WWOX: variants seen among roughly 807,000 people sequenced by gnomAD.
WWOX encodes WW domain containing oxidoreductase.
WWOX carries 69 observed loss-of-function variants against 46.2 expected under a neutral mutation model. The ratio of observed to expected loss-of-function variants is 1.49; its 90% CI spans 1.23 to 1.82. The LOEUF (loss-of-function observed/expected upper bound fraction) is 1.82, where lower values mean the gene tolerates loss of function less well. Ranked by LOEUF, WWOX falls within the 40% of genes most tolerant of loss-of-function variation. The pLI, the probability that WWOX is intolerant of heterozygous loss-of-function variation, is 0.00. For missense variants in WWOX, 919 were observed against 542.6 expected (o/e 1.69, Z -6.89); for synonymous variants, 359 against 202.6 (o/e 1.77, Z -6.56).
chr16:78,971,209 C>A (rs1482937639), intron 8 of WWOX, among the ~76,000 whole-genome samples: 1 of 151,834 alleles, frequency 6.6e-6, no homozygotes, highest in Non-Finnish European at 1.5e-5. Flanking sequence ...ACCTGTAATC[C>A]CAGCACTTTG....
At chr16:79,082,097 C>G (rs2048771016) in intron 8 of WWOX, among the ~76,000 whole-genome samples, 1 of 152,208 alleles carries the variant, frequency 6.6e-6, no homozygotes, top group Admixed American at 6.5e-5. Context: ...GCATCATCAA[C>G]TACATCCTTG....
intron 8 of WWOX, among the ~76,000 whole-genome samples, chr16:78,781,108 A>G (rs1453784877): frequency 1.3e-5 from 2 of 152,168 alleles, no homozygotes; most frequent in Non-Finnish European, 2.9e-5. Context: ...AGCCAAACAA[A>G]TGCTGTTGTT....
chr16:78,351,606 G>A (rs1480164279), intron 5 of WWOX, among the ~76,000 whole-genome samples: 1 of 152,118 alleles, frequency 6.6e-6, no homozygotes, highest in African/African-American at 2.4e-5. Flanking sequence ...GCAGATGCTG[G>A]CTCTATATTG....
intron 8 of WWOX, among the ~76,000 whole-genome samples, chr16:78,694,819 C>T (rs1000381811): frequency 7.3e-5 from 11 of 151,112 alleles, no homozygotes; most frequent in African/African-American, 2.7e-4. Context: ...AATCACCCCA[C>T]TACTCTTTTT....
intron 6 of WWOX, among the ~76,000 whole-genome samples, chr16:78,414,089 C>T (rs1247463277): frequency 2.0e-5 from 3 of 152,022 alleles, no homozygotes; most frequent in Non-Finnish European, 4.4e-5. Context: ...ATTCCTCTTC[C>T]TGAGGCAGTG....
rs960414936 is a variant in WWOX, at chr16:78,346,839, G to A, written c.517-40021G>A. Among the ~76,000 whole-genome samples, 4 of 119,652 alleles carry A rather than the reference G, an allele frequency of 3.3e-5. 1 individual carries two copies. Among genetic ancestry groups the A allele is most frequent in the Non-Finnish European group, 8.0e-5 (4 of 50,136 alleles). 78.5% of individuals were successfully genotyped at this position (119,652 alleles called of 152,430 possible). On this transcript the variant is annotated intron_variant, in intron 5 of 8. Transcript: ENST00000566780. ...CCTGCCTCAGTCTCTTGAGTAGCTG[G>A]TGTTACAGAAGCCTGCTACCATGCC...
At position 78,960,788 on chromosome 16, in the gene WWOX, AT is replaced by A. The variant is rs927668762; in HGVS notation, c.1057-250812del. On this transcript the variant is annotated intron_variant, in intron 8 of 8. Coordinates refer to ENST00000566780, the MANE Select transcript of WWOX (RefSeq NM_016373.4). ...TGGGAGTTCTCTATTTAGTCACCTT[AT>A]TTTTTTTGTCTTCTTGTTAAACTAG... 4.9e-4 allele frequency among the ~76,000 whole-genome samples: 74 copies of A among 151,884 alleles called. 1 individual carries two copies. The highest frequency in any genetic ancestry group is 2.1e-3 in the East Asian group (11 of 5,168).
chr16:79,022,794 A>G (rs1469526764), intron 8 of WWOX, among the ~76,000 whole-genome samples: 6 of 152,180 alleles, frequency 3.9e-5, no homozygotes, highest in Admixed American at 3.9e-4. Flanking sequence ...GCTCAGAAGC[A>G]CCCAGGGATG....
intron 8 of WWOX, among the ~76,000 whole-genome samples, chr16:78,788,914 G>C (rs892536572): frequency 6.6e-6 from 1 of 152,236 alleles, no homozygotes; most frequent in Admixed American, 6.5e-5. Flanking sequence ...CCCCTGCTTA[G>C]TATGTGGGGA....
intron 8 of WWOX, among the ~76,000 whole-genome samples, chr16:78,884,076 C>G (rs578121241): frequency 6.6e-6 from 1 of 151,990 alleles, no homozygotes; most frequent in Admixed American, 6.6e-5. Context: ...CCCGGGAGTT[C>G]AAGACCAGCT....
intron 8 of WWOX, among the ~76,000 whole-genome samples, chr16:79,068,765 C>G (rs932859718): frequency 6.6e-6 from 1 of 151,040 alleles, no homozygotes; most frequent in Non-Finnish European, 1.5e-5. Context: ...GAGATATGAC[C>G]TCACCACTGC....
In WWOX at chr16:79,157,936, A is replaced by C. The variant is rs560524537; in HGVS notation, c.1057-53672A>C. Among the ~76,000 whole-genome samples the C allele has an allele frequency of 5.9e-5, 9 of 152,252 alleles. No individual in the cohort carries two copies. The East Asian group carries it at 1.7e-3, about 29-fold the overall frequency. On this transcript the variant is annotated intron_variant, in intron 8 of 8. Coordinates refer to ENST00000566780, the MANE Select transcript of WWOX (RefSeq NM_016373.4). ...TGGTACCTGGCCCTGGGTGATTAGAAAGGGTGGATGGTGGCCTGGGGCATG... is the reference window on the plus strand; with the variant it reads ...TGGTACCTGGCCCTGGGTGATTAGACAGGGTGGATGGTGGCCTGGGGCATG...
At chr16:79,188,954 T>C (rs2051073599) in intron 8 of WWOX, among the ~76,000 whole-genome samples, 3 of 152,316 alleles carry the variant, frequency 2.0e-5, no homozygotes, top group South Asian at 2.1e-4. Context: ...TCAATAATTA[T>C]AGTCTTTATT....
chr16:78,614,575 T>G (rs2045976999), intron 8 of WWOX, among the ~76,000 whole-genome samples: 1 of 152,198 alleles, frequency 6.6e-6, no homozygotes, highest in Non-Finnish European at 1.5e-5. Context: ...TGCCATTCTC[T>G]TAATTTCAGG....
At chr16:78,364,339 G>C (rs969324684) in intron 5 of WWOX, among the ~76,000 whole-genome samples, 2 of 152,148 alleles carry the variant, frequency 1.3e-5, no homozygotes, top group Non-Finnish European at 1.5e-5. Context: ...CTGAACTAAG[G>C]CTGTATCTAA....
rs572633101 is a variant in WWOX at position 78,921,831 on chromosome 16, A to T, written c.1057-289777A>T. ...CACTGCAAGTTTGAGGTGGTCCTCA[A>T]ACCCATCCTCATGGCTGATATTTGC... On this transcript the variant is annotated intron_variant, in intron 8 of 8. Transcript: ENST00000566780. Among the ~76,000 whole-genome samples the T allele has an allele frequency of 3.9e-5, 6 of 152,306 alleles. No individual in the cohort carries two copies. The East Asian group carries it at 1.2e-3, about 29-fold the overall frequency.
intron 5 of WWOX, among the ~76,000 whole-genome samples, chr16:78,314,360 C>T (rs535040742): frequency 2.1e-5 from 3 of 142,362 alleles, no homozygotes; most frequent in Non-Finnish European, 3.0e-5. Flanking sequence ...GAGCCGAGAT[C>T]GAGCCACTGC....
chr16:79,189,806 G>T (rs187311295), intron 8 of WWOX, among the ~76,000 whole-genome samples: 2 of 151,362 alleles, frequency 1.3e-5, no homozygotes, highest in Non-Finnish European at 2.9e-5. Flanking sequence ...GGGAGGGGGG[G>T]GATATTTATT....
At chr16:78,947,228 C>T (rs1162625462) in intron 8 of WWOX, among the ~76,000 whole-genome samples, 1 of 152,018 alleles carries the variant, frequency 6.6e-6, no homozygotes, top group Non-Finnish European at 1.5e-5. Context: ...TGGAGGCCTG[C>T]AAATGAGTTT....
Sources: gnomAD v4.1 joint callset for allele counts (sites outside exome capture counted in the v4.1 genomes callset) on GRCh38, gnomAD v4.1.1 for gene constraint, MANE v1.5 for transcripts, NCBI Gene and HGNC (gene_info 2026-07-23, HGNC 2026-07-21) for gene names.